Variants in PTN observed in about 807,000 individuals in gnomAD.
PTN encodes pleiotrophin.
A neutral mutation model predicts 24.1 loss-of-function variants in PTN; 18 were observed. The ratio of observed to expected loss-of-function variants is 0.75; its 90% CI spans 0.52 to 1.11. The LOEUF (loss-of-function observed/expected upper bound fraction) is 1.11, where lower values mean the gene tolerates loss of function less well. Ranked by LOEUF, PTN falls within the 50% of genes least tolerant of loss-of-function variation. The pLI is 0.00. For synonymous variants in PTN, 78 were observed against 68.6 expected (o/e 1.14, Z -0.67); for missense variants, 163 against 198.8 (o/e 0.82, Z 1.08).
At chr7:137,237,040 G>A (rs796476304) in intron 4 of PTN, among the ~76,000 whole-genome samples, 6 of 152,230 alleles carry the variant, frequency 3.9e-5, no homozygotes, top group African/African-American at 1.4e-4. Flanking sequence ...TATAGATATA[G>A]TTAAATAGAA....
intron 4 of PTN, among the ~76,000 whole-genome samples, chr7:137,244,009 G>T (rs758653762): frequency 6.6e-6 from 1 of 152,096 alleles, no homozygotes; most frequent in Non-Finnish European, 1.5e-5. Flanking sequence ...GACCTCTTTT[G>T]CTTAACGAGC....
chr7:137,266,057 T>C (rs1324179184), intron 1 of PTN, among the ~76,000 whole-genome samples: 2 of 152,200 alleles, frequency 1.3e-5, no homozygotes, highest in Non-Finnish European at 2.9e-5. Flanking sequence ...TAGACATATT[T>C]ATCTAATTTT....
At chr7:137,319,548 GT>G (rs1383571402) in intron 1 of PTN, among the ~76,000 whole-genome samples, 2 of 152,136 alleles carry the variant, frequency 1.3e-5, no homozygotes, top group Non-Finnish European at 2.9e-5. Context: ...CTGGCAGATC[GT>G]TTTTTGGCCA....
At chr7:137,277,457 T>A (rs960296852) in intron 1 of PTN, among the ~76,000 whole-genome samples, 7 of 152,202 alleles carry the variant, frequency 4.6e-5, no homozygotes, top group African/African-American at 1.7e-4. Flanking sequence ...TACACAAATG[T>A]TTATAGCAGC....
intron 1 of PTN, among the ~76,000 whole-genome samples, chr7:137,342,303 G>A (rs1279777719): frequency 2.0e-5 from 3 of 151,842 alleles, no homozygotes; most frequent in African/African-American, 4.8e-5. Flanking sequence ...ACACGCACAT[G>A]CACACGCACA....
intron 1 of PTN, among the ~76,000 whole-genome samples, chr7:137,266,419 G>A (rs1809146354): frequency 6.6e-6 from 1 of 151,736 alleles, no homozygotes; most frequent in Non-Finnish European, 1.5e-5. Context: ...TAGTACTCAG[G>A]AGGCCTTATT....
chr7:137,313,108 C>G (rs912673890), intron 1 of PTN, among the ~76,000 whole-genome samples: 2 of 151,878 alleles, frequency 1.3e-5, no homozygotes, highest in African/African-American at 4.8e-5. Flanking sequence ...TGAAACTGAG[C>G]CCTCCTGGCA....
chr7:137,335,099 C>A (rs193180585), intron 1 of PTN, among the ~76,000 whole-genome samples: 1 of 143,000 alleles, frequency 7.0e-6, no homozygotes, highest in African/African-American at 2.6e-5. Context: ...TGCTAAATGA[C>A]GAGTTGATGG....
chr7:137,273,200 A>G (rs192709517), intron 1 of PTN, among the ~76,000 whole-genome samples: 17 of 152,344 alleles, frequency 1.1e-4, no homozygotes, highest in African/African-American at 3.8e-4. Flanking sequence ...TGTTTGTTAA[A>G]TAAATGAATA....
chr7:137,237,246 A>G (rs747172009), intron 4 of PTN, among the ~76,000 whole-genome samples: 4 of 152,138 alleles, frequency 2.6e-5, no homozygotes, highest in Non-Finnish European at 5.9e-5. Flanking sequence ...ACAGACACAT[A>G]TAGTGAGGAC....
At chr7:137,239,150 T>C (rs910063142) in intron 4 of PTN, among the ~76,000 whole-genome samples, 5 of 152,112 alleles carry the variant, frequency 3.3e-5, no homozygotes, top group Admixed American at 2.6e-4. Context: ...GACCAAAAAT[T>C]CTTCAATAAG....
chr7:137,255,082 G>A, intron 1 of PTN, 108 bp from the exon 2 acceptor site: 1 of 673,090 alleles, frequency 1.5e-6, no homozygotes, highest in Admixed American at 3.1e-5. Flanking sequence ...TGGAATGTTA[G>A]ATTTCAGGAA....
intron 1 of PTN, among the ~76,000 whole-genome samples, chr7:137,269,732 A>G (rs1186486434): frequency 1.4e-5 from 2 of 143,738 alleles, no homozygotes; most frequent in East Asian, 4.3e-4. Flanking sequence ...TCCTGGGTTC[A>G]AGCGATTCTC....
At chr7:137,306,049 G>C (rs1019560099) in intron 1 of PTN, among the ~76,000 whole-genome samples, 1 of 152,222 alleles carries the variant, frequency 6.6e-6, no homozygotes, top group Admixed American at 6.5e-5. Flanking sequence ...CTAGAATGCA[G>C]AGGCAAAGTG....
chr7:137,343,728 G>A lies in PTN; in HGVS notation c.-291C>T, dbSNP rs1186589383. The A allele has an allele frequency of 6.6e-6, 3 of 453,252 alleles. No homozygotes were observed. The highest frequency in any genetic ancestry group is 8.9e-6 in the Non-Finnish European group (2 of 224,658). 28.1% of individuals were successfully genotyped at this position (453,252 alleles called of 1,614,324 possible). A position where few individuals can be genotyped will look rare whatever the true frequency, so the allele number is the denominator to read the frequency against. On this transcript the variant is annotated 5_prime_UTR_variant, in exon 1 of 5. Coordinates refer to ENST00000348225, the MANE Select transcript of PTN (RefSeq NM_002825.7). ...ACAGGGAGGGAACGGAAGGGAAATG[G>A]AGAATGGGAGGGATGAGAGGAGCGG...
intron 1 of PTN, among the ~76,000 whole-genome samples, chr7:137,257,990 C>A (rs980721393): frequency 6.6e-6 from 1 of 152,184 alleles, no homozygotes; most frequent in African/African-American, 2.4e-5. Flanking sequence ...CATATACACA[C>A]ACATGCACAC....
intron 1 of PTN, among the ~76,000 whole-genome samples, chr7:137,261,214 A>C (rs534470246): frequency 6.6e-6 from 1 of 152,276 alleles, no homozygotes; most frequent in African/African-American, 2.4e-5. Context: ...TCGTTTTGAT[A>C]ATAACAAATG....
At chr7:137,303,452 G>T (rs557991693) in intron 1 of PTN, among the ~76,000 whole-genome samples, 98 of 151,780 alleles carry the variant, frequency 6.5e-4, no homozygotes, top group Non-Finnish European at 1.2e-3. Context: ...CTCTCAATTT[G>T]CATTAAGATT....
rs1259671945 is a variant in PTN, at chr7:137,336,543, C to A, written c.-2+6896G>T. ...AGACTTTGCCTGCCCAACCCCCAGG[C>A]CTTGAGCATGATCACATGCTCCGTA... is the stretch of plus-strand genomic sequence containing the variant. On this transcript the variant is annotated intron_variant, in intron 1 of 4. Coordinates refer to ENST00000348225, the MANE Select transcript of PTN (RefSeq NM_002825.7). Among the ~76,000 whole-genome samples the A allele has an allele frequency of 2.6e-5, 4 of 152,134 alleles. No homozygotes were observed. The East Asian group carries it at 7.7e-4, about 29-fold the overall frequency.
Sources: gnomAD v4.1 joint callset for allele counts (sites outside exome capture counted in the v4.1 genomes callset) on GRCh38, gnomAD v4.1.1 for gene constraint, MANE v1.5 for transcripts, NCBI Gene and HGNC (gene_info 2026-07-23, HGNC 2026-07-21) for gene names.